Variants in UBXN7 observed in about 807,000 individuals in gnomAD.
UBXN7 encodes the protein UBX domain protein 7, also known as UBX domain-containing protein 7.
UBXN7 carries 9 observed loss-of-function variants against 58.0 expected under a neutral mutation model. That is an observed-to-expected ratio of 0.16 (90% CI 0.09 to 0.27). UBXN7 has a LOEUF of 0.27. Ranked by LOEUF, UBXN7 falls within the 10% of genes least tolerant of loss-of-function variation. UBXN7 has a pLI of 1.00. For synonymous variants in UBXN7, 208 were observed against 205.0 expected, an observed-to-expected ratio of 1.01 and a Z score of -0.12; for missense variants, 328 against 599.6, an observed-to-expected ratio of 0.55 and a Z score of 4.73.
At chr3:196,384,988 T>C (rs1020285089) in intron 5 of UBXN7, among the ~76,000 whole-genome samples, 1 of 152,076 alleles carries the variant, frequency 6.6e-6, no homozygotes, top group Non-Finnish European at 1.5e-5. Flanking sequence ...GGGTATTCAA[T>C]TAGGAAATGA....
chr3:196,411,795 A>T (rs1435048815), intron 1 of UBXN7, among the ~76,000 whole-genome samples: 1 of 152,156 alleles, frequency 6.6e-6, no homozygotes, highest in Non-Finnish European at 1.5e-5. Flanking sequence ...GGGGCACAAG[A>T]GTGAGACTTC....
At chr3:196,389,100 C>A (rs1729498804) in intron 5 of UBXN7, among the ~76,000 whole-genome samples, 1 of 152,210 alleles carries the variant, frequency 6.6e-6, no homozygotes, top group South Asian at 2.1e-4. Flanking sequence ...AGCTTAGTTA[C>A]TGCATTACGT....
At chr3:196,429,687 T>C (rs1369435984) in intron 1 of UBXN7, among the ~76,000 whole-genome samples, 1 of 152,188 alleles carries the variant, frequency 6.6e-6, no homozygotes, top group Non-Finnish European at 1.5e-5. Flanking sequence ...CCCAAAAAAA[T>C]TTTAAGACAT....
At chr3:196,363,812 G>A (rs1254381750) in intron 8 of UBXN7, among the ~76,000 whole-genome samples, 10 of 151,652 alleles carry the variant, frequency 6.6e-5, no homozygotes, top group Admixed American at 4.6e-4. Flanking sequence ...GCCTGTAGTC[G>A]CAGCTACTCA....
At position 196,380,196 on chromosome 3, in the gene UBXN7, G is replaced by A. The variant is rs551697327; in HGVS notation, c.469-8154C>T. ...ACCTAGGAGGTGGAGCGTGCAGTGA[G>A]GCAAGATAGCGCCACTGCAGTCCAG... On this transcript the variant is annotated intron_variant, in intron 5 of 10. Transcript: ENST00000296328. Among the ~76,000 whole-genome samples, 24 of 151,868 alleles carry A rather than the reference G, an allele frequency of 1.6e-4. No individual in the cohort carries two copies. The South Asian group carries it at 4.8e-3, about 30-fold the overall frequency.
At chr3:196,368,319 T>A (rs922424653) in intron 7 of UBXN7, among the ~76,000 whole-genome samples, 164 bp from the exon 8 acceptor site, 2 of 152,222 alleles carry the variant, frequency 1.3e-5, no homozygotes, top group African/African-American at 4.8e-5. Context: ...ATAAAGGTAA[T>A]ATCTAGAATC....
chr3:196,373,678 T>A (rs1365278309), intron 5 of UBXN7, among the ~76,000 whole-genome samples: 1 of 151,930 alleles, frequency 6.6e-6, no homozygotes, highest in Non-Finnish European at 1.5e-5. Flanking sequence ...ACAAATAGCT[T>A]TTTTTTTGTA....
intron 6 of UBXN7, among the ~76,000 whole-genome samples, chr3:196,371,235 A>T (rs924609983): frequency 2.6e-5 from 4 of 152,212 alleles, no homozygotes; most frequent in Non-Finnish European, 5.9e-5. Context: ...AAGCACCTGA[A>T]ATCTTGCTAC....
intron 9 of UBXN7, 23 bp downstream of exon 9, chr3:196,362,271 A>T (rs1728526833): frequency 4.5e-6 from 7 of 1,558,566 alleles, no homozygotes; most frequent in Non-Finnish European, 6.1e-6. Flanking sequence ...GTTTGAAGTA[A>T]AGTATGTCTA....
intron 3 of UBXN7, among the ~76,000 whole-genome samples, chr3:196,401,641 C>T (rs1206698126): frequency 2.7e-5 from 4 of 149,434 alleles, no homozygotes; most frequent in Non-Finnish European, 5.9e-5. Context: ...GAAAAAAATA[C>T]CTATAAGCCA....
chr3:196,417,885 C>T (rs1047990787), intron 1 of UBXN7, among the ~76,000 whole-genome samples: 3 of 150,726 alleles, frequency 2.0e-5, no homozygotes, highest in Admixed American at 6.6e-5. Context: ...ATGATCATAC[C>T]ACTCCAACCT....
At chr3:196,417,877 G>C (rs1730551301) in intron 1 of UBXN7, among the ~76,000 whole-genome samples, 1 of 150,492 alleles carries the variant, frequency 6.6e-6, no homozygotes, top group South Asian at 2.1e-4. Context: ...TGTGAGCTAT[G>C]ATCATACCAC....
At chr3:196,428,878 C>A (rs1042763919) in intron 1 of UBXN7, among the ~76,000 whole-genome samples, 2 of 150,676 alleles carry the variant, frequency 1.3e-5, no homozygotes, top group African/African-American at 4.9e-5. Flanking sequence ...CTTTTTTAAT[C>A]AGCCATTACT....
intron 10 of UBXN7, among the ~76,000 whole-genome samples, chr3:196,360,450 A>C (rs1420606025): frequency 1.3e-5 from 2 of 152,164 alleles, no homozygotes; most frequent in Non-Finnish European, 2.9e-5. Flanking sequence ...GTCCCTTAAA[A>C]ATTATGTTAA....
chr3:196,399,727 C>T (rs887313112), intron 3 of UBXN7, among the ~76,000 whole-genome samples: 2 of 149,182 alleles, frequency 1.3e-5, no homozygotes, highest in African/African-American at 5.0e-5. Flanking sequence ...AAGCATGAGC[C>T]ACTGCACCTG....
intron 3 of UBXN7, chr3:196,400,643 G>A (rs1198037358): frequency 3.1e-5 from 8 of 258,022 alleles, no homozygotes; most frequent in Non-Finnish European, 6.2e-5. Flanking sequence ...AGAAGGCTGA[G>A]GTGGGAGGAA....
chr3:196,356,754 G>C lies in UBXN7; in HGVS notation c.1401C>G (p.Asp467Glu). 1 of 1,613,868 alleles carries C rather than the reference G, an allele frequency of 6.2e-7. No homozygotes were observed. The highest frequency in any genetic ancestry group is 8.5e-7 in the Non-Finnish European group (1 of 1,179,976). The change falls in exon 11 of 11, where the codon GAC becomes GAG. Residue 467 changes from aspartate (D) to glutamate (E), a missense_variant. Around this residue, in one of 4 missense-constraint regions of UBXN7, gnomAD observed 30 missense variants for 94.8 expected, o/e 0.32. Coordinates refer to ENST00000296328, the MANE Select transcript of UBXN7 (RefSeq NM_015562.2). ...NFPRRKLSHL[D>E]YDITLQEAGL... Reference sequence around the variant, plus strand: ...CTGCCTCTTGCAATGTAATATCATAGTCCAGATGAGATAATTTCCTTCGAG... The same window carrying C: ...CTGCCTCTTGCAATGTAATATCATACTCCAGATGAGATAATTTCCTTCGAG...
chr3:196,369,986 C>T (rs1314937753), intron 6 of UBXN7, among the ~76,000 whole-genome samples: 3 of 151,910 alleles, frequency 2.0e-5, no homozygotes, highest in African/African-American at 7.3e-5. Flanking sequence ...AAAAATTAGC[C>T]GGGCCTGGTG....
chr3:196,381,980 T>C (rs1032927356), intron 5 of UBXN7, among the ~76,000 whole-genome samples: 2 of 152,012 alleles, frequency 1.3e-5, no homozygotes, highest in African/African-American at 2.4e-5. Context: ...CCAAGAAATA[T>C]GAGACTATGT....
Sources: gnomAD v4.1 joint callset for allele counts (sites outside exome capture counted in the v4.1 genomes callset) on GRCh38, gnomAD v4.1.1 for gene constraint, gnomAD v4.1.1 regional missense constraint, MANE v1.5 for transcripts, NCBI Gene and HGNC (gene_info 2026-07-23, HGNC 2026-07-21) for gene names.